KAT6A: variants seen among roughly 807,000 people sequenced by gnomAD.
The protein encoded by KAT6A is histone acetyltransferase KAT6A.
A neutral mutation model predicts 198.4 loss-of-function variants in KAT6A; 9 were observed. The ratio of observed to expected loss-of-function variants is 0.05; its 90% CI spans 0.03 to 0.08. The LOEUF is 0.08. KAT6A is among the 10% of genes least tolerant of loss of function. KAT6A has a pLI of 1.00. For missense variants in KAT6A, 2,077 were observed against 2,509.9 expected, an observed-to-expected ratio of 0.83 and a Z score of 3.69; for synonymous variants, 890 against 883.0, an observed-to-expected ratio of 1.01 and a Z score of -0.14.
chr8:42,035,474 C>T (rs1202741978), intron 2 of KAT6A, among the ~76,000 whole-genome samples: 2 of 152,164 alleles, frequency 1.3e-5, no homozygotes, highest in African/African-American at 4.8e-5. Flanking sequence ...AAAGTTATCT[C>T]TAGATAACTC....
At chr8:41,997,390 G>T (rs942049184) in intron 2 of KAT6A, among the ~76,000 whole-genome samples, 2 of 151,632 alleles carry the variant, frequency 1.3e-5, no homozygotes, top group African/African-American at 4.9e-5. Flanking sequence ...AACAGAATTA[G>T]AAATATAATT....
intron 8 of KAT6A, among the ~76,000 whole-genome samples, chr8:41,970,276 C>A (rs1823720933): frequency 6.6e-6 from 1 of 152,208 alleles, no homozygotes; most frequent in Non-Finnish European, 1.5e-5. Flanking sequence ...ATGAACTAGA[C>A]TTCCAAGATC....
At chr8:41,981,807 A>C (rs776505909) in intron 4 of KAT6A, 32 bp downstream of exon 4, 13 of 1,300,160 alleles carry the variant, frequency 1.0e-5, no homozygotes, top group Middle Eastern at 1.8e-4. Flanking sequence ...CTACTAAATG[A>C]AACACCCATA....
chr8:42,010,718 T>A (rs899335572), intron 2 of KAT6A, among the ~76,000 whole-genome samples: 1 of 152,192 alleles, frequency 6.6e-6, no homozygotes. Context: ...GTAACAAATC[T>A]TATGGCCCAC....
intron 8 of KAT6A, chr8:41,974,253 T>A (rs775093737): frequency 2.0e-5 from 3 of 149,106 alleles, no homozygotes; most frequent in Admixed American, 6.7e-5. Flanking sequence ...AATTTTTCTA[T>A]TTTTTTTTTG....
At chr8:41,942,239 C>G (rs999886137) in intron 14 of KAT6A, 6 of 218,252 alleles carry the variant, frequency 2.7e-5, no homozygotes, top group Non-Finnish European at 4.6e-5. Context: ...GGTGCCCCAT[C>G]AGAAAACATA....
rs1485807809 is a variant in KAT6A, at chr8:41,931,033, A to C, written c.*1172T>G. 1 of 216,948 alleles carries C rather than the reference A, an allele frequency of 4.6e-6. No individual in the cohort carries two copies. Among genetic ancestry groups the C allele is most frequent in the Non-Finnish European group, 9.3e-6 (1 of 107,884 alleles). The allele number at this position is 216,948 out of a possible 1,614,324, so 13.4% of individuals were successfully genotyped here. A position where few individuals can be genotyped will look rare whatever the true frequency, so the allele number is the denominator to read the frequency against. On this transcript the variant is annotated 3_prime_UTR_variant, in exon 17 of 17. Transcript: ENST00000265713. ...AAATAGCTACGAAACTCACACCGTG[A>C]TCTCCCTTCTGACACACATCTGCGC...
intron 6 of KAT6A, among the ~76,000 whole-genome samples, chr8:41,978,349 T>C (rs11785105): frequency 1.7e-3 from 260 of 152,332 alleles, no homozygotes; most frequent in Middle Eastern, 0.014. Flanking sequence ...TACTCGGATT[T>C]TCATCCCAGT....
In KAT6A at chr8:41,950,573, T is replaced by C. The variant is rs369533721; in HGVS notation, c.1599-1210A>G. On this transcript the variant is annotated intron_variant, in intron 9 of 16. Coordinates refer to ENST00000265713, the MANE Select transcript of KAT6A (RefSeq NM_006766.5). ...AACACTATCTGAGTACAGTTTCATTTTGAGAGCTAAATATTACAACTAAAT... is the reference window on the plus strand; with the variant it reads ...AACACTATCTGAGTACAGTTTCATTCTGAGAGCTAAATATTACAACTAAAT... Among the ~76,000 whole-genome samples the C allele has an allele frequency of 9.2e-5, 14 of 152,326 alleles. No individual in the cohort carries two copies. The East Asian group carries it at 2.7e-3, about 29-fold the overall frequency.
intron 1 of KAT6A, 192 bp from the exon 2 acceptor site, chr8:42,049,494 G>GAA: frequency 1.3e-5 from 2 of 158,912 alleles, no homozygotes; most frequent in Non-Finnish European, 2.7e-5. Flanking sequence ...AAAAAGAAAA[G>GAA]AAAAAAAAAA....
At chr8:42,004,852 T>C (rs189589086) in intron 2 of KAT6A, among the ~76,000 whole-genome samples, 27 of 151,720 alleles carry the variant, frequency 1.8e-4, no homozygotes, top group Non-Finnish European at 3.2e-4. Flanking sequence ...CACTTGAACC[T>C]GGGAGGCAGA....
rs371317994 is a variant in KAT6A at position 41,973,420 on chromosome 8, A to G, written c.1482+1284T>C. On this transcript the variant is annotated intron_variant, in intron 8 of 16. Transcript: ENST00000265713. ...TTTTTAGTAGAGACGGGGTTTCACC[A>G]TGCTGGCCAGGCTGGTCTCGAATTC... is the stretch of plus-strand genomic sequence containing the variant. 7.2e-5 allele frequency among the ~76,000 whole-genome samples: 11 copies of G among 152,128 alleles called. No individual in the cohort carries two copies. The South Asian group carries it at 1.5e-3, about 20-fold the overall frequency.
intron 8 of KAT6A, among the ~76,000 whole-genome samples, 176 bp from the exon 9 acceptor site, chr8:41,955,587 C>A (rs1425347056): frequency 6.6e-6 from 1 of 152,096 alleles, no homozygotes; most frequent in African/African-American, 2.4e-5. Flanking sequence ...AAACAGAGCA[C>A]CCAGATGAAA....
chr8:41,956,959 G>GA, intron 8 of KAT6A: 1 of 471,016 alleles, frequency 2.1e-6, no homozygotes. Flanking sequence ...AACAGTATAG[G>GA]AAACTTTCAA....
intron 2 of KAT6A, among the ~76,000 whole-genome samples, chr8:42,013,256 CTTTCT>C (rs1053033050): frequency 1.3e-4 from 14 of 107,992 alleles, no homozygotes; most frequent in South Asian, 6.4e-4. Context: ...ATTTTTCTTT[CTTTCT>C]TTTTTTTTTT....
At chr8:42,017,810 G>C (rs560034998) in intron 2 of KAT6A, among the ~76,000 whole-genome samples, 1 of 152,256 alleles carries the variant, frequency 6.6e-6, no homozygotes, top group Admixed American at 6.5e-5. Flanking sequence ...AAGTAGAGAG[G>C]GAAGCTCTCA....
At chr8:41,962,318 C>T (rs58979498) in intron 8 of KAT6A, among the ~76,000 whole-genome samples, 15,894 of 152,042 alleles carry the variant, frequency 0.1, 1,063 homozygotes, top group East Asian at 0.24. Context: ...TTGATATCCC[C>T]TCTCACATCA....
chr8:42,017,282 AC>A (rs1826320762), intron 2 of KAT6A, among the ~76,000 whole-genome samples: 1 of 152,224 alleles, frequency 6.6e-6, no homozygotes, highest in Non-Finnish European at 1.5e-5. Flanking sequence ...AATATTTCAA[AC>A]CACTATGAGC....
chr8:41,954,318 G>C (rs1426353014), intron 9 of KAT6A, among the ~76,000 whole-genome samples: 2 of 152,182 alleles, frequency 1.3e-5, no homozygotes, highest in African/African-American at 4.8e-5. Context: ...TCAACATATT[G>C]TAAGGTACTA....
Sources: gnomAD v4.1 joint callset for allele counts (sites outside exome capture counted in the v4.1 genomes callset) on GRCh38, gnomAD v4.1.1 for gene constraint, MANE v1.5 for transcripts, NCBI Gene and HGNC (gene_info 2026-07-23, HGNC 2026-07-21) for gene names.